NOC4L: variants seen among roughly 807,000 people sequenced by gnomAD.
NOC4L encodes the protein nucleolar complex protein 4 homolog.
Under a neutral mutation model 62.8 loss-of-function variants are expected in NOC4L, and 40 were observed. The observed-to-expected ratio is 0.64, with a 90% CI of 0.49 to 0.83. The LOEUF (loss-of-function observed/expected upper bound fraction) is 0.83. Ranked by LOEUF, NOC4L falls within the 40% of genes least tolerant of loss-of-function variation. The pLI is 0.00. For synonymous variants in NOC4L, 433 were observed against 299.8 expected (o/e 1.44, Z -4.59); for missense variants, 927 against 701.9 (o/e 1.32, Z -3.62).
In NOC4L at chr12:132,151,242, T is replaced by TC. The variant is rs752496309; in HGVS notation, c.963-10dup. ...GGGCCCTGCTCCATCCGCTGCTCCT[T>TC]CCCCCCGGCCCGCAGGGAGTACCCT... On this transcript the variant is annotated splice_polypyrimidine_tract_variant and intron_variant, in intron 10 of 14. Coordinates refer to ENST00000330579, the MANE Select transcript of NOC4L (RefSeq NM_024078.3). 24 of 1,598,292 alleles carry TC rather than the reference T, an allele frequency of 1.5e-5. No individual in the cohort carries two copies. The highest frequency in any genetic ancestry group is 4.0e-5 in the African/African-American group (3 of 74,588).
In NOC4L at chr12:132,144,537, C is replaced by T. The variant is rs1408809279; in HGVS notation, c.49C>T (p.Arg17Trp). The change falls in exon 1 of 15, where the codon CGG (arginine) becomes TGG (tryptophan). Residue 17 changes from arginine to tryptophan, a missense_variant. Arg to Trp is a moderately radical substitution (Grantham distance 101). Transcript: ENST00000330579. ...GGGAGTTCGCCGGGCTCTGGGCCGC[C>T]GGCTGGAGGCGGTGCTGGCGAGCCG... ...AAGVRRALGR[R>W]LEAVLASRSE... The T allele has an allele frequency of 1.2e-5, 18 of 1,517,150 alleles. 1 individual carries two copies. The Admixed American group carries it at 2.8e-4, about 24-fold the overall frequency. The allele number at this position is 1,517,150 out of a possible 1,614,324, so 94.0% of individuals were successfully genotyped here.
chr12:132,152,081 C>T lies in NOC4L; in HGVS notation c.1318-3C>T, dbSNP rs747965255. The T allele has an allele frequency of 2.5e-6, 4 of 1,609,818 alleles. No individual in the cohort carries two copies. Among genetic ancestry groups the T allele is most frequent in the Non-Finnish European group, 2.5e-6 (3 of 1,179,130 alleles). ...CTGCCTCTTAACGGCCCTACTGCCCCAGGCCCTCCAGCGCCACTACCACCC... is the reference window on the plus strand; with the variant it reads ...CTGCCTCTTAACGGCCCTACTGCCCTAGGCCCTCCAGCGCCACTACCACCC... On this transcript the variant is annotated splice_polypyrimidine_tract_variant and splice_region_variant and intron_variant, in intron 13 of 14. Transcript: ENST00000330579.
intron 9 of NOC4L, 41 bp from the exon 10 acceptor site, chr12:132,150,940 C>T (rs778432194): frequency 4.5e-5 from 67 of 1,484,864 alleles, no homozygotes; most frequent in Non-Finnish European, 6.0e-5. Context: ...AGGGTGGGAG[C>T]GAGGTCACTG....
At chr12:132,151,400 T>A in intron 11 of NOC4L, 32 bp downstream of exon 11, 1 of 1,604,342 alleles carries the variant, frequency 6.2e-7, no homozygotes, top group Non-Finnish European at 8.5e-7. Flanking sequence ...TCTGCCCTGC[T>A]CTGTGCGGCT....
At position 132,144,887 on chromosome 12, in the gene NOC4L, C is replaced by T. The variant is rs528849785; in HGVS notation, c.151C>T (p.Arg51Cys). The T allele has an allele frequency of 5.0e-6, 8 of 1,602,354 alleles. No individual in the cohort carries two copies. The highest frequency in any genetic ancestry group is 1.7e-5 in the Admixed American group (1 of 57,800). The change falls in exon 2 of 15, where the codon CGC becomes TGC. Residue 51 changes from arginine to cysteine, a missense_variant. Physicochemically the swap from Arg to Cys is radical, Grantham distance 180 (BLOSUM62 -3). Coordinates refer to ENST00000330579, the MANE Select transcript of NOC4L (RefSeq NM_024078.3). ...CCAGGAGGAGATCCAGGAAGCAGTC[C>T]GCACGTGCAGCCGTCTTTTCGGGGC... is the stretch of plus-strand genomic sequence containing the variant. Reference protein sequence around the residue: ...EDQEEIQEAVRTCSRLFGALL... With the variant: ...EDQEEIQEAVCTCSRLFGALL...
In NOC4L at chr12:132,147,673, G is replaced by T; in HGVS notation, c.494G>T (p.Ser165Ile). 1.2e-6 allele frequency: 2 copies of T among 1,612,914 alleles called. No homozygotes were observed. Among genetic ancestry groups the T allele is most frequent in the Non-Finnish European group, 1.7e-6 (2 of 1,179,938 alleles). Residue 165 changes from serine (S) to isoleucine (I), a missense_variant, in exon 5 of 15, where the codon AGC (serine) becomes ATC (isoleucine). Physicochemically the swap from Ser to Ile is moderately radical, Grantham distance 142 (BLOSUM62 -2). Coordinates refer to ENST00000330579, the MANE Select transcript of NOC4L (RefSeq NM_024078.3). ...GGLLSPEEDQ[S>I]LLLSQFREYL... ...CTGCTGTCTCCTGAGGAGGACCAGA[G>T]CCTGCTCCTGTCCCAGTTCCGGGAG... is the stretch of plus-strand genomic sequence containing the variant.
intron 4 of NOC4L, 105 bp from the exon 5 acceptor site, chr12:132,147,528 C>T: frequency 6.7e-7 from 1 of 1,494,128 alleles, no homozygotes; most frequent in Non-Finnish European, 9.0e-7. Context: ...GCCCACCCAA[C>T]CAGGAGGAGT....
chr12:132,144,946 G>A lies in NOC4L; in HGVS notation c.210G>A (p.Gln70=). The A allele has an allele frequency of 6.2e-7, 1 of 1,600,468 alleles. No homozygotes were observed. Among genetic ancestry groups the A allele is most frequent in the Non-Finnish European group, 8.5e-7 (1 of 1,174,472 alleles). ...LLERGELFVG[Q]LPSEEMVMTG... ...AGCGGGGAGAGCTGTTTGTGGGCCA[G>A]CTGCCCTCTGAGGAGATGGTCATGA... The change falls in exon 2 of 15, where the codon CAG becomes CAA. Residue 70 remains glutamine (Q), a synonymous_variant. Coordinates refer to ENST00000330579, the MANE Select transcript of NOC4L (RefSeq NM_024078.3).
intron 13 of NOC4L, 100 bp from the exon 14 acceptor site, chr12:132,151,984 C>T (rs917894285): frequency 2.4e-5 from 32 of 1,315,466 alleles, no homozygotes; most frequent in African/African-American, 1.3e-4. Context: ...TGGCTCCGTC[C>T]CGACCCCGCC....
At chr12:132,151,215 C>G in intron 10 of NOC4L, 43 bp from the exon 11 acceptor site, 1 of 1,554,408 alleles carries the variant, frequency 6.4e-7, no homozygotes, top group Non-Finnish European at 8.9e-7. Flanking sequence ...GCCTCAGTTC[C>G]CGGGCCCTGC....
At chr12:132,147,231 C>A in intron 3 of NOC4L, 50 bp from the exon 4 acceptor site, 1 of 1,363,228 alleles carries the variant, frequency 7.3e-7, no homozygotes, top group Non-Finnish European at 9.8e-7. Context: ...GCTCTGGGCC[C>A]ATCCGTGGGG....
chr12:132,151,769 G>T lies in NOC4L; in HGVS notation c.1266G>T (p.Glu422Asp), dbSNP rs759529466. The change falls in exon 13 of 15, where the codon GAG becomes GAT. Residue 422 changes from glutamate to aspartate, a missense_variant. Transcript: ENST00000330579. Reference sequence around the variant, plus strand: ...ACGCCGACCCCTACGACCCTGGAGAGGAGGACCCAGCCCAGAGCCGGGCCT... The same window carrying T: ...ACGCCGACCCCTACGACCCTGGAGATGAGGACCCAGCCCAGAGCCGGGCCT... ...ELDADPYDPG[E>D]EDPAQSRALE... is the part of the protein sequence containing the mutation. 3 of 1,612,376 alleles carry T rather than the reference G, an allele frequency of 1.9e-6. No homozygotes were observed. In the South Asian group the frequency reaches 3.3e-5, roughly 18 times the overall value.
At position 132,147,974 on chromosome 12, in the gene NOC4L, G is replaced by A. The variant is rs148483243; in HGVS notation, c.698G>A (p.Arg233Gln). The A allele has an allele frequency of 1.6e-5, 25 of 1,610,776 alleles. No individual in the cohort carries two copies. Among genetic ancestry groups the A allele is most frequent in the Middle Eastern group, 1.7e-4 (1 of 6,050 alleles). ...ACCGTCTCCAGCTTCTATGTGAAGC[G>A]GGCGGGTGAGTGTGCTGAGAGTCAG... is the stretch of plus-strand genomic sequence containing the variant. ...EPTVSSFYVK[R>Q]AELWDTWKVA... Residue 233 changes from arginine (R) to glutamine (Q), a missense_variant, in exon 6 of 15, where the codon CGG becomes CAG. Coordinates refer to ENST00000330579, the MANE Select transcript of NOC4L (RefSeq NM_024078.3).
At chr12:132,147,610 T>A (rs748786699) in intron 4 of NOC4L, 23 bp from the exon 5 acceptor site, 4 of 1,611,402 alleles carry the variant, frequency 2.5e-6, no homozygotes, top group Non-Finnish European at 3.4e-6. Context: ...CGGGCAGGGC[T>A]GCTCACTGGT....
chr12:132,148,612 C>A lies in NOC4L; in HGVS notation c.742C>A (p.His248Asn). The change falls in exon 8 of 15, where the codon CAC (histidine) becomes AAC (asparagine). Residue 248 changes from histidine to asparagine, a missense_variant. Coordinates refer to ENST00000330579, the MANE Select transcript of NOC4L (RefSeq NM_024078.3). Reference sequence around the variant, plus strand: ...TGCAGTCTGGACCCCGTTGCAGGAGCACAGGAGGGTTTTCCAGGCCATGTG... The same window carrying A: ...TGCAGTCTGGACCCCGTTGCAGGAGAACAGGAGGGTTTTCCAGGCCATGTG... Reference protein sequence around the residue: ...DTWKVAHLKEHRRVFQAMWLS... With the variant: ...DTWKVAHLKENRRVFQAMWLS... 6.5e-7 allele frequency: 1 copy of A among 1,548,150 alleles called. No individual in the cohort carries two copies.
At chr12:132,144,724 G>A (rs1897641491) in intron 1 of NOC4L, 119 bp downstream of exon 1, 2 of 1,459,198 alleles carry the variant, frequency 1.4e-6, no homozygotes, top group Admixed American at 2.2e-5. Flanking sequence ...AGGGTGGGAG[G>A]CGTGTGGGTC....
chr12:132,151,155 G>C (rs1758548910), intron 10 of NOC4L, 103 bp from the exon 11 acceptor site: 1 of 1,411,762 alleles, frequency 7.1e-7, no homozygotes, highest in Non-Finnish European at 1.0e-6. Flanking sequence ...CATGGTGTTG[G>C]AGTCCCTGGG....
chr12:132,151,363 C>G lies in NOC4L; in HGVS notation c.1068C>G (p.Ser356=). 1 of 1,609,422 alleles carries G rather than the reference C, an allele frequency of 6.2e-7. No individual in the cohort carries two copies. Among genetic ancestry groups the G allele is most frequent in the Non-Finnish European group, 8.5e-7 (1 of 1,179,866 alleles). ...RFFHLADLFL[S]SSHLPAYLVA... is the part of the protein sequence containing the mutation. ...TCCACCTGGCTGACCTCTTCCTGTCCTCCTCGTGAGTACCAGGGCACCTGG... is the reference window on the plus strand; with the variant it reads ...TCCACCTGGCTGACCTCTTCCTGTCGTCCTCGTGAGTACCAGGGCACCTGG... The change falls in exon 11 of 15, where the codon TCC becomes TCG. Residue 356 remains serine (S), a synonymous_variant. Coordinates refer to ENST00000330579, the MANE Select transcript of NOC4L (RefSeq NM_024078.3).
chr12:132,149,050 C>T lies in NOC4L; in HGVS notation c.901+155C>T, dbSNP rs868565046. The T allele has an allele frequency of 6.3e-3, 1,077 of 170,540 alleles. 4 individuals carry two copies. Among genetic ancestry groups the T allele is most frequent in the Non-Finnish European group, 7.2e-3 (703 of 97,016 alleles). 10.6% of individuals were successfully genotyped at this position (170,540 alleles called of 1,614,324 possible). ...TCGGTGAGTGCCGCCGCCTCACTCACACCACACCCCTAATCCCCTCGGTGA... is the reference window on the plus strand; with the variant it reads ...TCGGTGAGTGCCGCCGCCTCACTCATACCACACCCCTAATCCCCTCGGTGA... On this transcript the variant is annotated intron_variant, in intron 9 of 14. Coordinates refer to ENST00000330579, the MANE Select transcript of NOC4L (RefSeq NM_024078.3).
Sources: gnomAD v4.1 joint callset for allele counts on GRCh38, gnomAD v4.1.1 for gene constraint, MANE v1.5 for transcripts, NCBI Gene and HGNC (gene_info 2026-07-23, HGNC 2026-07-21) for gene names.